Variants in ODR4 observed in about 807,000 individuals in gnomAD.
The protein encoded by ODR4 is protein odr-4 homolog.
ODR4 carries 47 observed loss-of-function variants against 60.2 expected under a neutral mutation model. The observed-to-expected ratio is 0.78, with a 90% CI of 0.62 to 1.00. The LOEUF is 1.00. Among genes scored for constraint, ODR4 ranks in the 50% least tolerant of loss-of-function variants. The probability of loss-of-function intolerance (pLI) is 0.00; values close to 1 mark genes in which losing one functional copy is unlikely to be tolerated. For synonymous variants in ODR4, 178 were observed against 175.5 expected (o/e 1.01, Z -0.11); for missense variants, 488 against 530.8 (o/e 0.92, Z 0.79).
At position 186,398,332 on chromosome 1, in the gene ODR4, G is replaced by T; in HGVS notation, c.800G>T (p.Arg267Ile). ...LTQLLLNSDH[R>I]STATVQICSG... ...TTTCAGCTCCTGAATTCAGACCACA[G>T]ATCCACAGCCACAGTCCAGATATGT... is the stretch of plus-strand genomic sequence containing the variant. The change falls in exon 10 of 14, where the codon AGA becomes ATA. Residue 267 changes from arginine (R) to isoleucine (I), a missense_variant. Coordinates refer to ENST00000287859, the MANE Select transcript of ODR4 (RefSeq NM_017847.6). 1 of 1,601,786 alleles carries T rather than the reference G, an allele frequency of 6.2e-7. No individual in the cohort carries two copies. Among genetic ancestry groups the T allele is most frequent in the Non-Finnish European group, 8.5e-7 (1 of 1,173,860 alleles).
chr1:186,387,668 C>T (rs796283975), intron 4 of ODR4, among the ~76,000 whole-genome samples: 14 of 152,158 alleles, frequency 9.2e-5, no homozygotes, highest in African/African-American at 3.4e-4. Flanking sequence ...ATTGTGTTTC[C>T]GGAAGAATTT....
chr1:186,387,909 A>C (rs183779119), intron 4 of ODR4, among the ~76,000 whole-genome samples: 1 of 152,252 alleles, frequency 6.6e-6, no homozygotes, highest in Non-Finnish European at 1.5e-5. Flanking sequence ...ACTATATTTT[A>C]TATGTTGTTA....
chr1:186,393,892 CTT>C lies in ODR4; in HGVS notation c.712-52_712-51del, dbSNP rs1660564997. On this transcript the variant is annotated intron_variant, in intron 8 of 13. Transcript: ENST00000287859. The stretch of plus-strand genomic sequence containing the variant: ...ATATGTACAATAGTTTATAAGTTGT[CTT>C]TTATGTTTTACAGGCTTCACAGTTT... 3 of 937,090 alleles carry C rather than the reference CTT, an allele frequency of 3.2e-6. No individual in the cohort carries two copies. The Admixed American group carries it at 7.1e-5, about 22-fold the overall frequency. The allele number at this position is 937,090 out of a possible 1,614,324, so 58.0% of individuals were successfully genotyped here.
intron 2 of ODR4, among the ~76,000 whole-genome samples, chr1:186,382,687 A>T (rs1660085716): frequency 6.6e-6 from 1 of 152,246 alleles, no homozygotes; most frequent in Non-Finnish European, 1.5e-5. Context: ...AAACTGAATA[A>T]GCATATTACT....
chr1:186,399,053 A>G lies in ODR4; in HGVS notation c.1000+9A>G, dbSNP rs1660812421. On this transcript the variant is annotated intron_variant, in intron 11 of 13. Coordinates refer to ENST00000287859, the MANE Select transcript of ODR4 (RefSeq NM_017847.6). ...AATTCCAGAAAAAAAAGTTATGAGT[A>G]TAAAATAAGTACTTTTTTGCGTATC... 1 of 1,571,280 alleles carries G rather than the reference A, an allele frequency of 6.4e-7. No individual in the cohort carries two copies. The highest frequency in any genetic ancestry group is 8.7e-7 in the Non-Finnish European group (1 of 1,146,242).
rs1448464753 is a variant in ODR4 at position 186,381,418 on chromosome 1, CTG to C, written c.99+1535_99+1536del. ...CTCGGCTCACTGCAGGCTCCGCCCC[CTG>C]GGGTTCACGCCATTCTCCTGCCTCA... On this transcript the variant is annotated intron_variant, in intron 2 of 13. Transcript: ENST00000287859. 7.9e-5 allele frequency among the ~76,000 whole-genome samples: 12 copies of C among 152,120 alleles called. No homozygotes were observed. In the South Asian group the frequency reaches 2.1e-3, roughly 26 times the overall value.
intron 11 of ODR4, chr1:186,401,453 G>A (rs535993185): frequency 1.2e-4 from 30 of 249,512 alleles, no homozygotes; most frequent in African/African-American, 5.8e-4. Context: ...GACTTTATAG[G>A]CATCGTCCGT....
At chr1:186,413,867 A>G (rs1661458448) in intron 12 of ODR4, among the ~76,000 whole-genome samples, 1 of 152,190 alleles carries the variant, frequency 6.6e-6, no homozygotes, top group Admixed American at 6.5e-5. Flanking sequence ...TTGGAATGAA[A>G]TCTGAACACG....
chr1:186,394,512 G>A (rs1264101898), intron 9 of ODR4, among the ~76,000 whole-genome samples: 1 of 151,990 alleles, frequency 6.6e-6, no homozygotes, highest in Non-Finnish European at 1.5e-5. Flanking sequence ...TTAAAAGTTG[G>A]ATATCTTAAA....
At chr1:186,428,918 A>G in the ODR4 span, among the ~76,000 whole-genome samples, 1 of 152,218 alleles carries the variant, frequency 6.6e-6, no homozygotes, top group Non-Finnish European at 1.5e-5. Context: ...TATAATAGTG[A>G]CATCAAAGTC....
intron 11 of ODR4, among the ~76,000 whole-genome samples, chr1:186,405,813 A>G (rs1661150799): frequency 6.6e-6 from 1 of 152,064 alleles, no homozygotes; most frequent in African/African-American, 2.4e-5. Flanking sequence ...CAGCCTCCCA[A>G]AGTGCTGGGA....
chr1:186,399,224 A>G (rs1273054325), intron 11 of ODR4, 180 bp downstream of exon 11: 17 of 498,128 alleles, frequency 3.4e-5, no homozygotes, highest in Non-Finnish European at 5.1e-5. Flanking sequence ...TTTTTTTTTT[A>G]GACAGAGTCT....
chr1:186,402,784 G>A (rs1490732606), intron 11 of ODR4, among the ~76,000 whole-genome samples: 3 of 151,642 alleles, frequency 2.0e-5, no homozygotes, highest in Admixed American at 6.6e-5. Flanking sequence ...TTGTAGAGAT[G>A]GGGCTTTGTT....
intron 2 of ODR4, among the ~76,000 whole-genome samples, chr1:186,381,714 T>C (rs185237057): frequency 5.3e-4 from 80 of 152,344 alleles, no homozygotes; most frequent in Admixed American, 4.8e-3. Context: ...CTACGTGCTT[T>C]TTCTTCCAGA....
At chr1:186,417,154 G>A (rs765176698) in intron 12 of ODR4, among the ~76,000 whole-genome samples, 1 of 151,788 alleles carries the variant, frequency 6.6e-6, no homozygotes, top group Non-Finnish European at 1.5e-5. Context: ...GTAGAGACGG[G>A]GTTTCACTGT....
downstream of ODR4, among the ~76,000 whole-genome samples, chr1:186,426,024 T>C (rs1420618590): frequency 6.6e-6 from 1 of 152,218 alleles, no homozygotes; most frequent in East Asian, 1.9e-4. Context: ...CACAAATTTA[T>C]TAGGTTATGT....
intron 13 of ODR4, 84 bp from the exon 14 acceptor site, chr1:186,418,925 A>G: frequency 8.8e-7 from 1 of 1,130,274 alleles, no homozygotes; most frequent in South Asian, 1.3e-5. Context: ...CCCATCAGTT[A>G]CCCACATTTC....
Position 186,417,652 on chromosome 1 carries a change from T to C in ODR4, c.1295T>C (p.Ile432Thr). The change falls in exon 13 of 14, where the codon ATA becomes ACA. Residue 432 changes from isoleucine (I) to threonine (T), a missense_variant and splice_region_variant. Transcript: ENST00000287859. ...TTMLLKIQQNIGVIAAFTVAV... is the reference protein window; with the variant it reads ...TTMLLKIQQNTGVIAAFTVAV... ...ATGTTATTGAAAATTCAGCAAAACATAGGTATTTAATTTTACTTCTTTTAT... is the reference window on the plus strand; with the variant it reads ...ATGTTATTGAAAATTCAGCAAAACACAGGTATTTAATTTTACTTCTTTTAT... 4 of 1,505,756 alleles carry C rather than the reference T, an allele frequency of 2.7e-6. No homozygotes were observed. The highest frequency in any genetic ancestry group is 3.7e-6 in the Non-Finnish European group (4 of 1,095,824). 93.3% of individuals were successfully genotyped at this position (1,505,756 alleles called of 1,614,324 possible). A position where few individuals can be genotyped will look rare whatever the true frequency, so the allele number is the denominator to read the frequency against.
At chr1:186,402,518 G>GC (rs1558085622) in intron 11 of ODR4, among the ~76,000 whole-genome samples, 1 of 151,288 alleles carries the variant, frequency 6.6e-6, no homozygotes, top group Admixed American at 6.6e-5. Context: ...TCCTGCCTCA[G>GC]CCTCCTGAGT....
Sources: gnomAD v4.1 joint callset for allele counts (sites outside exome capture counted in the v4.1 genomes callset) on GRCh38, gnomAD v4.1.1 for gene constraint, MANE v1.5 for transcripts, NCBI Gene and HGNC (gene_info 2026-07-23, HGNC 2026-07-21) for gene names.